AGAP1: variants seen among roughly 807,000 people sequenced by gnomAD.
AGAP1 encodes arf-GAP with GTPase, ANK repeat and PH domain-containing protein 1.
Under a neutral mutation model 105.3 loss-of-function variants are expected in AGAP1, and 29 were observed. The ratio of observed to expected loss-of-function variants is 0.28; its 90% CI spans 0.21 to 0.38. The LOEUF (loss-of-function observed/expected upper bound fraction) is 0.38. AGAP1 is among the 10% of genes least tolerant of loss of function. The pLI is 1.00. For synonymous variants in AGAP1, 509 were observed against 485.9 expected, an observed-to-expected ratio of 1.05 and a Z score of -0.63; for missense variants, 998 against 1,165.1, an observed-to-expected ratio of 0.86 and a Z score of 2.09.
At chr2:235,645,647 C>T (rs1243820463) in intron 1 of AGAP1, among the ~76,000 whole-genome samples, 1 of 152,106 alleles carries the variant, frequency 6.6e-6, no homozygotes, top group Non-Finnish European at 1.5e-5. Flanking sequence ...GCACATCCCC[C>T]TTCCATGGGT....
intron 9 of AGAP1, among the ~76,000 whole-genome samples, chr2:235,826,110 A>G (rs1959048416): frequency 6.6e-6 from 1 of 152,228 alleles, no homozygotes; most frequent in African/African-American, 2.4e-5. Context: ...CCCTGTGATG[A>G]AAGAGCCACC....
intron 1 of AGAP1, among the ~76,000 whole-genome samples, chr2:235,518,570 G>C (rs1020409814): frequency 6.6e-6 from 1 of 152,144 alleles, no homozygotes; most frequent in Admixed American, 6.5e-5. Flanking sequence ...GTTTCCCACC[G>C]TCAGCCTTGG....
chr2:235,738,163 G>A (rs1052548799), intron 3 of AGAP1, among the ~76,000 whole-genome samples: 1 of 152,086 alleles, frequency 6.6e-6, no homozygotes. Context: ...CAGAAACCTA[G>A]CAAAGAAGTG....
chr2:236,045,502 C>T lies in AGAP1; in HGVS notation c.1892-3557C>T, dbSNP rs140848323. On this transcript the variant is annotated intron_variant, in intron 15 of 17. Transcript: ENST00000304032. The surrounding 1 kb of genome is among the most constrained non-coding windows in gnomAD (Gnocchi z 6.9). ...ATTTCTCTGGAGGGGAGCTGAGGCC[C>T]GGAGAGCAAGAGGCTTGCAGAGGAC... 3.3e-5 allele frequency among the ~76,000 whole-genome samples: 5 copies of T among 152,294 alleles called. No individual in the cohort carries two copies. The East Asian group carries it at 5.8e-4, about 18-fold the overall frequency.
intron 16 of AGAP1, among the ~76,000 whole-genome samples, chr2:236,102,585 T>TA (rs372649210): frequency 0.048 from 6,508 of 134,498 alleles, 308 homozygotes; most frequent in African/African-American, 0.12. Context: ...GAGAGACTGT[T>TA]AAAAAAAAAA....
At chr2:235,718,436 A>C (rs2149551541) in intron 3 of AGAP1, 1 of 980,054 alleles carries the variant, frequency 1.0e-6, no homozygotes, top group East Asian at 1.1e-4. Flanking sequence ...CTTGTTTTGG[A>C]GAGAGAGGAA....
chr2:235,658,566 G>A (rs1489775474), intron 1 of AGAP1, among the ~76,000 whole-genome samples: 1 of 152,160 alleles, frequency 6.6e-6, no homozygotes. Context: ...GAGGGTGCTG[G>A]GGGCACGTGC....
At position 236,053,246 on chromosome 2, in the gene AGAP1, C is replaced by T. The variant is rs1367020274; in HGVS notation, c.2114+3965C>T. On this transcript the variant is annotated intron_variant, in intron 16 of 17. Coordinates refer to ENST00000304032, the MANE Select transcript of AGAP1 (RefSeq NM_001037131.3). The surrounding 1 kb of genome is among the most constrained non-coding windows in gnomAD (Gnocchi z 4.6). ...GAAGATGTTAAAACAGTCGTGCGAA[C>T]GTCTCCTGCATGAATGAATGATTGA... 6.6e-6 allele frequency among the ~76,000 whole-genome samples: 1 copy of T among 152,220 alleles called. No homozygotes were observed. The highest frequency in any genetic ancestry group is 2.4e-5 in the African/African-American group (1 of 41,448).
At chr2:235,762,110 CA>C (rs200107455) in intron 6 of AGAP1, among the ~76,000 whole-genome samples, 5,322 of 100,962 alleles carry the variant, frequency 0.053, 205 homozygotes, top group African/African-American at 0.17. Context: ...AACTCCGTCT[CA>C]AAAAAAAAAA....
At chr2:236,067,695 G>A (rs546472533) in intron 16 of AGAP1, among the ~76,000 whole-genome samples, 64 of 152,340 alleles carry the variant, frequency 4.2e-4, no homozygotes, top group Non-Finnish European at 7.1e-4. Flanking sequence ...ATGGGGTCCT[G>A]TCTTTTCTCT....
intron 9 of AGAP1, among the ~76,000 whole-genome samples, chr2:235,869,410 C>CCATCT (rs1388451457): frequency 8.9e-6 from 1 of 112,102 alleles, no homozygotes; most frequent in Non-Finnish European, 1.7e-5. Flanking sequence ...TGGTGAAACT[C>CCATCT]CATCTCTACT....
At chr2:235,918,183 A>G (rs775769066) in intron 11 of AGAP1, among the ~76,000 whole-genome samples, 5 of 152,200 alleles carry the variant, frequency 3.3e-5, no homozygotes, top group Admixed American at 6.5e-5. Flanking sequence ...TTTTCCACAC[A>G]TTGGATCTTG....
intron 1 of AGAP1, among the ~76,000 whole-genome samples, chr2:235,656,084 A>G (rs1012787238): frequency 6.6e-6 from 1 of 152,204 alleles, no homozygotes; most frequent in African/African-American, 2.4e-5. Context: ...CTCCTTCACC[A>G]GGAAGACTGC....
intron 1 of AGAP1, among the ~76,000 whole-genome samples, chr2:235,513,352 C>T (rs1285574068): frequency 6.6e-6 from 1 of 151,980 alleles, no homozygotes; most frequent in Admixed American, 6.6e-5. Context: ...GAAACCCCGT[C>T]TCTACTAAAA....
At position 235,751,746 on chromosome 2, in the gene AGAP1, T is replaced by TA. The variant is rs1212535915; in HGVS notation, c.673+1259dup. Among the ~76,000 whole-genome samples, 1 of 152,184 alleles carries TA rather than the reference T, an allele frequency of 6.6e-6. No individual in the cohort carries two copies. Among genetic ancestry groups the TA allele is most frequent in the Non-Finnish European group, 1.5e-5 (1 of 68,020 alleles). The stretch of plus-strand genomic sequence containing the variant: ...CGCGCATCTCTGCCTCTCAGATACT[T>TA]ACCTGTTTTTCAGCACGTTGGTCCT... On this transcript the variant is annotated intron_variant, in intron 6 of 17. Transcript: ENST00000304032. The surrounding 1 kb of genome is among the most constrained non-coding windows in gnomAD (Gnocchi z 5.3).
At chr2:236,013,711 C>A (rs759816579) in intron 13 of AGAP1, among the ~76,000 whole-genome samples, 7 of 152,188 alleles carry the variant, frequency 4.6e-5, no homozygotes, top group Non-Finnish European at 8.8e-5. Context: ...CCTGTGAGAC[C>A]CCTTCTTCAG....
At chr2:235,613,859 A>G (rs1265126495) in intron 1 of AGAP1, among the ~76,000 whole-genome samples, 2 of 152,252 alleles carry the variant, frequency 1.3e-5, no homozygotes, top group Non-Finnish European at 2.9e-5. Context: ...ACAGTGAATT[A>G]GCATATAGTG....
At chr2:235,580,117 A>G (rs1432698195) in intron 1 of AGAP1, among the ~76,000 whole-genome samples, 1 of 152,184 alleles carries the variant, frequency 6.6e-6, no homozygotes, top group Admixed American at 6.5e-5. Flanking sequence ...ATTTCATTGT[A>G]TGGAGGGACC....
intron 13 of AGAP1, among the ~76,000 whole-genome samples, chr2:236,006,818 A>G (rs557579757): frequency 1.3e-5 from 2 of 152,350 alleles, no homozygotes; most frequent in South Asian, 4.1e-4. Flanking sequence ...TTAAACTAAC[A>G]TAAAATTAAC....
Sources: allele counts gnomAD v4.1 joint callset (sites outside exome capture counted in the v4.1 genomes callset), GRCh38; gene constraint gnomAD v4.1.1; non-coding constraint Gnocchi (gnomAD v3.1); transcripts MANE v1.5; gene names NCBI Gene and HGNC (gene_info 2026-07-23, HGNC 2026-07-21).